PTPRG: variants seen among roughly 807,000 people sequenced by gnomAD.
PTPRG encodes the protein protein tyrosine phosphatase receptor type G.
In PTPRG, 102 loss-of-function variants were observed where a neutral mutation model predicts 165.3. The ratio of observed to expected loss-of-function variants is 0.62; its 90% CI spans 0.53 to 0.73. The LOEUF is 0.73. PTPRG is among the 30% of genes least tolerant of loss of function. The pLI is 0.00. For synonymous variants in PTPRG, 675 were observed against 669.5 expected (o/e 1.01, Z -0.13); for missense variants, 1,866 against 1,861.4 (o/e 1.00, Z -0.05).
At chr3:62,226,346 G>A (rs1212563276) in intron 13 of PTPRG, among the ~76,000 whole-genome samples, 3 of 152,178 alleles carry the variant, frequency 2.0e-5, no homozygotes, top group Non-Finnish European at 2.9e-5. Context: ...TGGTTTGGAA[G>A]GCCAGATATA....
At chr3:61,788,151 TG>T (rs2107115219) in intron 2 of PTPRG, among the ~76,000 whole-genome samples, 1 of 152,266 alleles carries the variant, frequency 6.6e-6, no homozygotes, top group African/African-American at 2.4e-5. Context: ...TGGTTGAGAC[TG>T]GTTTTCAGCA....
rs146087361 is a variant in PTPRG, at chr3:62,152,092, A to T, written c.683-4975A>T. Among the ~76,000 whole-genome samples, 727 of 152,284 alleles carry T rather than the reference A, an allele frequency of 4.8e-3. 5 individuals are homozygous for T. The highest frequency in any genetic ancestry group is 0.015 in the African/African-American group (635 of 41,554). ...TTTATTAAGATTTTATTAGCCAGGC[A>T]TATGGGCTCACAGCTGTAATTGCAG... On this transcript the variant is annotated intron_variant, in intron 6 of 29. Transcript: ENST00000474889.
At chr3:61,632,025 C>T (rs186513749) in intron 1 of PTPRG, among the ~76,000 whole-genome samples, 2 of 152,242 alleles carry the variant, frequency 1.3e-5, no homozygotes, top group African/African-American at 4.8e-5. Flanking sequence ...CTATAGTCAG[C>T]TGGGTGCCGT....
intron 2 of PTPRG, among the ~76,000 whole-genome samples, chr3:61,764,300 G>A (rs1017685613): frequency 6.6e-6 from 1 of 152,110 alleles, no homozygotes; most frequent in African/African-American, 2.4e-5. Context: ...AAGTGAGGAG[G>A]CATGAGGGCA....
At position 61,738,290 on chromosome 3, in the gene PTPRG, A is replaced by ATGTG. The variant is rs1559583237; in HGVS notation, c.86-10587_86-10586insGTGT. Among the ~76,000 whole-genome samples the ATGTG allele has an allele frequency of 7.9e-4, 55 of 69,486 alleles. 2 individuals are homozygous for ATGTG. The East Asian group carries it at 9.8e-3, about 12-fold the overall frequency. The allele number at this position is 69,486 out of a possible 152,430, so 45.6% of individuals were successfully genotyped here. A position where few individuals can be genotyped will look rare whatever the true frequency, so the allele number is the denominator to read the frequency against. On this transcript the variant is annotated intron_variant, in intron 1 of 29. Coordinates refer to ENST00000474889, the MANE Select transcript of PTPRG (RefSeq NM_002841.4). ...TATATATATATATACATATATATATATATATATATATATATATATATACAT... is the reference window on the plus strand; with the variant it reads ...TATATATATATATACATATATATATATGTGTATATATATATATATATATATACAT...
intron 2 of PTPRG, among the ~76,000 whole-genome samples, chr3:61,929,787 C>T (rs936874683): frequency 3.9e-5 from 6 of 152,210 alleles, no homozygotes; most frequent in Non-Finnish European, 7.3e-5. Flanking sequence ...TTCTTTCTAA[C>T]GTGTCAGCCT....
At chr3:62,127,950 G>T (rs886994355) in intron 5 of PTPRG, among the ~76,000 whole-genome samples, 1 of 152,074 alleles carries the variant, frequency 6.6e-6, no homozygotes, top group South Asian at 2.1e-4. Context: ...CCTTATGGTG[G>T]GCTATTAATT....
intron 2 of PTPRG, among the ~76,000 whole-genome samples, chr3:61,950,720 C>T (rs1035760440): frequency 5.3e-5 from 8 of 152,124 alleles, no homozygotes; most frequent in Admixed American, 1.3e-4. Context: ...CTGGCTGATT[C>T]GACCCCCTTT....
chr3:61,956,293 C>T (rs948686320), intron 2 of PTPRG, among the ~76,000 whole-genome samples: 1 of 102,144 alleles, frequency 9.8e-6, no homozygotes. Flanking sequence ...CTCTCTCTCT[C>T]TCACACACAC....
chr3:62,238,930 G>C lies in PTPRG; in HGVS notation c.2376-4877G>C, dbSNP rs79715450. Among the ~76,000 whole-genome samples the C allele has an allele frequency of 5.7e-3, 868 of 152,202 alleles. 6 individuals are homozygous for C. The highest frequency in any genetic ancestry group is 9.1e-3 in the Non-Finnish European group (616 of 68,006). On this transcript the variant is annotated intron_variant, in intron 14 of 29. Transcript: ENST00000474889. ...AGATAACTAATTTGGGTCATTACTA[G>C]GCCTGTCAGAGTCAGTGAAAATAAT...
chr3:62,254,222 T>G lies in PTPRG; in HGVS notation c.2468-902T>G, dbSNP rs1261233999. ...TGTGCGTTTGCCAAAGATCTTTCAC[T>G]CTGAATAAAGTAAATGTCATGTCTG... On this transcript the variant is annotated intron_variant, in intron 15 of 29. Transcript: ENST00000474889. The surrounding 1 kb of genome is among the most constrained non-coding windows in gnomAD (Gnocchi z 4.6). Among the ~76,000 whole-genome samples the G allele has an allele frequency of 1.3e-5, 2 of 152,218 alleles. No individual in the cohort carries two copies. Among genetic ancestry groups the G allele is most frequent in the Non-Finnish European group, 2.9e-5 (2 of 68,036 alleles).
At position 61,562,218 on chromosome 3, in the gene PTPRG, G is replaced by C. The variant is rs1699773664; in HGVS notation, c.-70G>C. 7.0e-7 allele frequency: 1 copy of C among 1,434,736 alleles called. No individual in the cohort carries two copies. The highest frequency in any genetic ancestry group is 1.9e-4 in the Middle Eastern group (1 of 5,286). The allele number at this position is 1,434,736 out of a possible 1,614,324, so 88.9% of individuals were successfully genotyped here. ...AAGCGCCCCGGCTTAGCGGAGGCTC[G>C]CACGGAGGCAAGAACTTATTCAACA... On this transcript the variant is annotated 5_prime_UTR_variant, in exon 1 of 30. Coordinates refer to ENST00000474889, the MANE Select transcript of PTPRG (RefSeq NM_002841.4).
chr3:62,280,356 G>T (rs1463101144), intron 26 of PTPRG, among the ~76,000 whole-genome samples: 1 of 151,874 alleles, frequency 6.6e-6, no homozygotes, highest in Non-Finnish European at 1.5e-5. Flanking sequence ...TACAAAATTT[G>T]TACAGAACTC....
intron 2 of PTPRG, among the ~76,000 whole-genome samples, chr3:61,889,706 T>G (rs936732546): frequency 1.4e-4 from 21 of 152,178 alleles, no homozygotes; most frequent in African/African-American, 5.1e-4. Flanking sequence ...GGATGGTTTT[T>G]AAGGAGGGAT....
intron 4 of PTPRG, among the ~76,000 whole-genome samples, chr3:62,039,243 T>C (rs201265576): frequency 0.026 from 3,283 of 126,434 alleles, 54 homozygotes; most frequent in South Asian, 0.076. Context: ...CCAAGAGTTA[T>C]GGTTTTTTTT....
At chr3:62,189,831 C>T (rs1699761867) in intron 8 of PTPRG, among the ~76,000 whole-genome samples, 1 of 152,176 alleles carries the variant, frequency 6.6e-6, no homozygotes, top group Non-Finnish European at 1.5e-5. Context: ...GGGAGAAAGG[C>T]CAGAGTTCAA....
At chr3:61,736,460 TC>T (rs113304077) in intron 1 of PTPRG, among the ~76,000 whole-genome samples, 8 of 152,082 alleles carry the variant, frequency 5.3e-5, no homozygotes, top group South Asian at 4.1e-4. Context: ...ATCTTTTTTT[TC>T]CCCCATTGAT....
chr3:61,644,009 C>T (rs1178000058), intron 1 of PTPRG, among the ~76,000 whole-genome samples: 1 of 152,088 alleles, frequency 6.6e-6, no homozygotes, highest in Non-Finnish European at 1.5e-5. Flanking sequence ...GTACACAGCC[C>T]CTACCCTAAC....
rs550512254 is a variant in PTPRG, at chr3:61,965,701, C to T, written c.191-23924C>T. Among the ~76,000 whole-genome samples the T allele has an allele frequency of 3.9e-5, 6 of 152,272 alleles. No individual in the cohort carries two copies. In the South Asian group the frequency reaches 6.2e-4, roughly 16 times the overall value. On this transcript the variant is annotated intron_variant, in intron 2 of 29. Coordinates refer to ENST00000474889, the MANE Select transcript of PTPRG (RefSeq NM_002841.4). Reference sequence around the variant, plus strand: ...CAATAATAATGGCTAATATTTAACACGTAACATGCTCACTATTTGCAAGAC... The same window carrying T: ...CAATAATAATGGCTAATATTTAACATGTAACATGCTCACTATTTGCAAGAC...
Sources: gnomAD v4.1 joint callset for allele counts (sites outside exome capture counted in the v4.1 genomes callset) on GRCh38, gnomAD v4.1.1 for gene constraint, Gnocchi (gnomAD v3.1) non-coding constraint, MANE v1.5 for transcripts, NCBI Gene and HGNC (gene_info 2026-07-23, HGNC 2026-07-21) for gene names.